The following LINGO2 variants were observed in gnomAD, a reference collection of about 807,000 sequenced individuals.
The protein encoded by LINGO2 is leucine rich repeat and Ig domain containing 2, also known as leucine-rich repeat and immunoglobulin-like domain-containing nogo receptor-interacting protein 2.
A neutral mutation model predicts 30.6 loss-of-function variants in LINGO2; 14 were observed. That is an observed-to-expected ratio of 0.46 (90% CI 0.30 to 0.72). The LOEUF (loss-of-function observed/expected upper bound fraction) is 0.72, where lower values mean the gene tolerates loss of function less well. Among genes scored for constraint, LINGO2 ranks in the 30% least tolerant of loss-of-function variants. The pLI is 0.07. For synonymous variants in LINGO2, 317 were observed against 288.5 expected, an observed-to-expected ratio of 1.10 and a Z score of -1.00; for missense variants, 729 against 751.7, an observed-to-expected ratio of 0.97 and a Z score of 0.35.
At chr9:28,239,325 T>A (rs898684066) in intron 4 of LINGO2, among the ~76,000 whole-genome samples, 1 of 151,892 alleles carries the variant, frequency 6.6e-6, no homozygotes, top group Non-Finnish European at 1.5e-5. Flanking sequence ...AAGACAAAGA[T>A]ACATCAAAAA....
At chr9:29,188,600 G>C in the LINGO2 span, among the ~76,000 whole-genome samples, 18 of 152,164 alleles carry the variant, frequency 1.2e-4, no homozygotes, top group African/African-American at 3.9e-4. Flanking sequence ...ACACCTCCCA[G>C]ACCGGGTCGT....
chr9:28,394,844 A>G (rs532324562), intron 2 of LINGO2, among the ~76,000 whole-genome samples: 1 of 152,354 alleles, frequency 6.6e-6, no homozygotes, highest in Non-Finnish European at 1.5e-5. Context: ...AACAGAATTA[A>G]CTATAGAATT....
the LINGO2 span, among the ~76,000 whole-genome samples, chr9:29,086,775 G>C: frequency 6.6e-6 from 1 of 152,070 alleles, no homozygotes; most frequent in African/African-American, 2.4e-5. Context: ...TACAGAGTGC[G>C]CTCTATATGC....
the LINGO2 span, among the ~76,000 whole-genome samples, chr9:28,913,484 T>C: frequency 9.2e-5 from 14 of 152,142 alleles, no homozygotes; most frequent in Admixed American, 9.2e-4. Context: ...CTTTACGTTA[T>C]ACAATATTAT....
chr9:28,237,681 C>T (rs761242964), intron 4 of LINGO2, among the ~76,000 whole-genome samples: 25 of 152,026 alleles, frequency 1.6e-4, no homozygotes, highest in Non-Finnish European at 3.1e-4. Context: ...GGCAAAACCC[C>T]AGCTCTACTA....
intron 4 of LINGO2, among the ~76,000 whole-genome samples, chr9:28,179,563 G>T (rs1340010398): frequency 8.1e-6 from 1 of 123,074 alleles, no homozygotes; most frequent in Non-Finnish European, 1.7e-5. Context: ...ATACTATAGA[G>T]TATGTATACG....
At chr9:28,349,518 T>C (rs1351866346) in intron 3 of LINGO2, among the ~76,000 whole-genome samples, 4 of 115,608 alleles carry the variant, frequency 3.5e-5, no homozygotes, top group Non-Finnish European at 5.3e-5. Context: ...CAAATCTACG[T>C]CTGATTGGTG....
the LINGO2 span, among the ~76,000 whole-genome samples, chr9:28,942,475 T>C: frequency 6.6e-6 from 1 of 152,190 alleles, no homozygotes; most frequent in African/African-American, 2.4e-5. Context: ...GCATGGGCCA[T>C]GACATCAGAA....
At chr9:28,662,804 A>G (rs1159013486) in intron 1 of LINGO2, among the ~76,000 whole-genome samples, 1 of 152,200 alleles carries the variant, frequency 6.6e-6, no homozygotes, top group African/African-American at 2.4e-5. Flanking sequence ...TGAAACAAAA[A>G]CAATGTTCAC....
chr9:28,285,398 AT>A (rs34034595), intron 4 of LINGO2, among the ~76,000 whole-genome samples: 1,831 of 76,094 alleles, frequency 0.024, 7 homozygotes, highest in African/African-American at 0.059. Flanking sequence ...GCCCAAGATC[AT>A]TTTTTTTTTT....
At chr9:28,462,453 G>A (rs1382171199) in intron 2 of LINGO2, among the ~76,000 whole-genome samples, 6 of 146,676 alleles carry the variant, frequency 4.1e-5, no homozygotes, top group Non-Finnish European at 7.5e-5. Flanking sequence ...ACCTGAGTTT[G>A]CAATTTGCAA....
At chr9:28,433,949 C>CTCTCTCTATATT (rs1225323260) in intron 2 of LINGO2, among the ~76,000 whole-genome samples, 1 of 88,480 alleles carries the variant, frequency 1.1e-5, no homozygotes, top group Non-Finnish European at 2.3e-5. Flanking sequence ...CTCTCTCTCT[C>CTCTCTCTATATT]TATATATATA....
Position 28,618,326 on chromosome 9 carries a change from T to C in LINGO2, c.-365+51874A>G, listed in dbSNP as rs138408251. 2.6e-3 allele frequency among the ~76,000 whole-genome samples: 390 copies of C among 152,254 alleles called. 4 individuals are homozygous for C. The highest frequency in any genetic ancestry group is 0.012 in the Admixed American group (185 of 15,280). Reference sequence around the variant, plus strand: ...TATTTTATTTTTCTCTTTTACTCACTACACATTCAATCATTAGCATCTCCG... The same window carrying C: ...TATTTTATTTTTCTCTTTTACTCACCACACATTCAATCATTAGCATCTCCG... On this transcript the variant is annotated intron_variant, in intron 1 of 5. Transcript: ENST00000379992.
chr9:28,583,854 A>C (rs1008637293), intron 1 of LINGO2, among the ~76,000 whole-genome samples: 14 of 152,084 alleles, frequency 9.2e-5, no homozygotes, highest in East Asian at 1.9e-4. Context: ...CAAAAGTTTT[A>C]AATAACTTTA....
chr9:28,798,434 G>C, the LINGO2 span, among the ~76,000 whole-genome samples: 2 of 152,114 alleles, frequency 1.3e-5, no homozygotes, highest in African/African-American at 4.8e-5. Flanking sequence ...AAAACAGAGT[G>C]TATGAGAACT....
the LINGO2 span, among the ~76,000 whole-genome samples, chr9:28,968,876 G>C: frequency 6.6e-6 from 1 of 152,142 alleles, no homozygotes; most frequent in Admixed American, 6.6e-5. Context: ...CCACGACAGA[G>C]TGCAATTAAG....
intron 1 of LINGO2, among the ~76,000 whole-genome samples, chr9:28,560,190 A>C (rs1822975099): frequency 6.6e-6 from 1 of 152,082 alleles, no homozygotes. Flanking sequence ...GTATCTGTAT[A>C]GCTGGCCCAC....
At chr9:28,189,577 AAGGG>A (rs1819712096) in intron 4 of LINGO2, among the ~76,000 whole-genome samples, 1 of 16,234 alleles carries the variant, frequency 6.2e-5, no homozygotes, top group African/African-American at 2.4e-4. Context: ...GGAAGGAAGG[AAGGG>A]AGGGAGGAAG....
chr9:27,950,466 A>G (rs1340147287), exon 6 of LINGO2: 1 of 1,608,312 alleles, frequency 6.2e-7, no homozygotes. Flanking sequence ...GACGCTTTTT[A>G]GCCTGTTTTT....
Sources: allele counts gnomAD v4.1 joint callset (sites outside exome capture counted in the v4.1 genomes callset), GRCh38; gene constraint gnomAD v4.1.1; transcripts MANE v1.5; gene names NCBI Gene and HGNC (gene_info 2026-07-23, HGNC 2026-07-21).